P4HA3: variants seen among roughly 807,000 people sequenced by gnomAD.
P4HA3 encodes the protein prolyl 4-hydroxylase subunit alpha-3.
In P4HA3, 60 loss-of-function variants were observed where a neutral mutation model predicts 66.7. The observed-to-expected ratio is 0.90, with a 90% confidence interval of 0.73 to 1.12. P4HA3 has a LOEUF of 1.12. P4HA3 is among the 50% of genes most tolerant of loss of function. The pLI is 0.00. For missense variants in P4HA3, 683 were observed against 685.8 expected, an observed-to-expected ratio of 1.00 and a Z score of 0.05; for synonymous variants, 263 against 274.6, an observed-to-expected ratio of 0.96 and a Z score of 0.42.
At chr11:74,279,026 AAT>A (rs2134746245) in intron 8 of P4HA3, among the ~76,000 whole-genome samples, 1 of 152,336 alleles carries the variant, frequency 6.6e-6, no homozygotes, top group East Asian at 1.9e-4. Flanking sequence ...TCATGCTTTC[AAT>A]ATGAGTCAGG....
chr11:74,284,560 A>G (rs534772453), intron 7 of P4HA3, among the ~76,000 whole-genome samples: 1 of 152,288 alleles, frequency 6.6e-6, no homozygotes, highest in South Asian at 2.1e-4. Flanking sequence ...ATTTAATTAT[A>G]ATCATAATTA....
downstream of P4HA3, among the ~76,000 whole-genome samples, chr11:74,262,670 G>A (rs1044147464): frequency 1.3e-5 from 2 of 152,164 alleles, no homozygotes; most frequent in African/African-American, 4.8e-5. Flanking sequence ...AGGCACATAT[G>A]TTTGTTTCCT....
Position 74,288,557 on chromosome 11 carries a change from G to A in P4HA3, c.769+522C>T, listed in dbSNP as rs369506351. Among the ~76,000 whole-genome samples the A allele has an allele frequency of 1.1e-4, 17 of 152,266 alleles. No homozygotes were observed. In the East Asian group the frequency reaches 2.7e-3, roughly 24 times the overall value. On this transcript the variant is annotated intron_variant, in intron 5 of 12. Transcript: ENST00000331597. Reference sequence around the variant, plus strand: ...GAAGGGACAGGTTGATATCTTCTCAGCATTTTCCAACTAACTTAAAAATTT... The same window carrying A: ...GAAGGGACAGGTTGATATCTTCTCAACATTTTCCAACTAACTTAAAAATTT...
chr11:74,263,481 T>C (rs920077980), downstream of P4HA3, among the ~76,000 whole-genome samples: 1 of 151,940 alleles, frequency 6.6e-6, no homozygotes, highest in Non-Finnish European at 1.5e-5. Context: ...CAACAGAGGG[T>C]TAGTTAAGGT....
In P4HA3 at chr11:74,266,991, C is replaced by A; in HGVS notation, c.*257G>T. On this transcript the variant is annotated 3_prime_UTR_variant, in exon 13 of 13. Transcript: ENST00000331597. ...GAGAGTATCTGAACTCCAGAAACTT[C>A]CCTCTCAGGCCTCCACTCCCCCCTC... is the stretch of plus-strand genomic sequence containing the variant. 1 of 1,474,506 alleles carries A rather than the reference C, an allele frequency of 6.8e-7. No homozygotes were observed. The highest frequency in any genetic ancestry group is 2.2e-5 in the Admixed American group (1 of 46,082). The allele number at this position is 1,474,506 out of a possible 1,614,324, so 91.3% of individuals were successfully genotyped here.
rs1859756237 is a variant in P4HA3, at chr11:74,253,462, G to A, written c.*1319-5461C>T. Reference sequence around the variant, plus strand: ...GGGAAAGCTATTGATAGTTACATTTGTTTTTCCTTCTCTTTCTGTTCTTCC... The same window carrying A: ...GGGAAAGCTATTGATAGTTACATTTATTTTTCCTTCTCTTTCTGTTCTTCC... On this transcript the variant is annotated intron_variant and NMD_transcript_variant, in intron 15 of 15. Transcript: ENST00000524388. 1.9e-6 allele frequency: 3 copies of A among 1,596,556 alleles called. No homozygotes were observed. In the African/African-American group the frequency reaches 4.0e-5, roughly 21 times the overall value.
At chr11:74,251,035 G>T (rs376250134) in intron 15 of P4HA3, 17 of 1,581,712 alleles carry the variant, frequency 1.1e-5, no homozygotes, top group Non-Finnish European at 1.2e-5. Context: ...CTGGTGCTCA[G>T]TGACTGTAAA....
At position 74,277,067 on chromosome 11, in the gene P4HA3, A is replaced by G. The variant is rs200145210; in HGVS notation, c.1253T>C (p.Val418Ala). 1.2e-4 allele frequency: 193 copies of G among 1,614,020 alleles called. 2 individuals carry two copies. Among genetic ancestry groups the G allele is most frequent in the Non-Finnish European group, 5.9e-6 (7 of 1,180,012 alleles). Residue 418 changes from valine (V) to alanine (A), a missense_variant, in exon 9 of 13, where the codon GTC (valine) becomes GCC (alanine). Coordinates refer to ENST00000331597, the MANE Select transcript of P4HA3 (RefSeq NM_182904.5). ...CAGATACTCTGCATAGGGAGGCCGG[A>G]CATCAAGGCCTGTGAGGGCAGCAAT... ...HRIAALTGLDVRPPYAEYLQV... is the reference protein window; with the variant it reads ...HRIAALTGLDARPPYAEYLQV...
At chr11:74,294,323 T>C (rs1591124770) in intron 4 of P4HA3, among the ~76,000 whole-genome samples, 4 of 152,192 alleles carry the variant, frequency 2.6e-5, no homozygotes, top group Non-Finnish European at 5.9e-5. Flanking sequence ...CTTCTCTGCA[T>C]TGGTTATTCT....
Position 74,268,216 on chromosome 11 carries a change from A to C in P4HA3, c.1493T>G (p.Leu498Arg). ...ACTGTCCCCTTCACCACTCCTGTGC[A>C]GGTTCCACCAAAACAGTGCTGCATT... is the stretch of plus-strand genomic sequence containing the variant. ...VRNAALFWWN[L>R]HRSGEGDSDT... Residue 498 changes from leucine to arginine, a missense_variant, in exon 12 of 13, where the codon CTG becomes CGG. Leu to Arg is a moderately radical substitution (Grantham distance 102). Transcript: ENST00000331597. 6.2e-7 allele frequency: 1 copy of C among 1,614,014 alleles called. No individual in the cohort carries two copies. The highest frequency in any genetic ancestry group is 8.5e-7 in the Non-Finnish European group (1 of 1,179,956).
At chr11:74,273,435 T>C (rs1209455267) in intron 10 of P4HA3, 110 bp downstream of exon 10, 8 of 997,490 alleles carry the variant, frequency 8.0e-6, no homozygotes, top group Middle Eastern at 2.3e-4. Context: ...TTCCTGGAGA[T>C]TTTTGCGCTG....
At chr11:74,265,854 A>G (rs559602530), downstream of P4HA3, among the ~76,000 whole-genome samples, 1 of 152,332 alleles carries the variant, frequency 6.6e-6, no homozygotes, top group Admixed American at 6.5e-5. Flanking sequence ...GGCATTTACA[A>G]AGTACAGCAC....
chr11:74,284,748 T>C (rs186264029), intron 7 of P4HA3, among the ~76,000 whole-genome samples: 2 of 152,184 alleles, frequency 1.3e-5, no homozygotes, highest in South Asian at 2.1e-4. Flanking sequence ...CCTGTCTGGT[T>C]TGTGGCTCTC....
rs17244775 is a variant in P4HA3, at chr11:74,270,401, A to T, written c.1399-681T>A. On this transcript the variant is annotated intron_variant, in intron 10 of 12. Transcript: ENST00000331597. ...TCACTGGTCTGTTCTAGGACTATGG[A>T]TATGTTTTCTTAATGTGAAGCTTTT... Among the ~76,000 whole-genome samples the T allele has an allele frequency of 4.2e-3, 637 of 152,266 alleles. 3 individuals carry two copies. Among genetic ancestry groups the T allele is most frequent in the Admixed American group, 9.7e-3 (148 of 15,288 alleles).
chr11:74,296,137 G>A (rs963198822), intron 4 of P4HA3, among the ~76,000 whole-genome samples: 4 of 152,168 alleles, frequency 2.6e-5, no homozygotes, highest in South Asian at 2.1e-4. Flanking sequence ...TGCCACGCAC[G>A]CATTCTGTTA....
intron 4 of P4HA3, among the ~76,000 whole-genome samples, chr11:74,291,969 T>TAGGG (rs1861044906): frequency 6.6e-6 from 1 of 152,220 alleles, no homozygotes; most frequent in African/African-American, 2.4e-5. Flanking sequence ...TAAAATGAGT[T>TAGGG]AGGGAGGATT....
chr11:74,272,060 A>G (rs1339931246), intron 10 of P4HA3, among the ~76,000 whole-genome samples: 2 of 152,146 alleles, frequency 1.3e-5, no homozygotes, highest in Admixed American at 6.5e-5. Flanking sequence ...AATAGATGTA[A>G]TCTGTGCTGA....
Position 74,304,365 on chromosome 11 carries a change from A to G in P4HA3, c.248T>C (p.Val83Ala). 2 of 1,614,148 alleles carry G rather than the reference A, an allele frequency of 1.2e-6. No homozygotes were observed. Among genetic ancestry groups the G allele is most frequent in the Non-Finnish European group, 1.7e-6 (2 of 1,179,990 alleles). The change falls in exon 2 of 13, where the codon GTG becomes GCG. Residue 83 changes from valine to alanine, a missense_variant. Transcript: ENST00000331597. Reference protein sequence around the residue: ...LSLHEDSTTPVANPLLAFTLI... With the variant: ...LSLHEDSTTPAANPLLAFTLI... ...AGTAAATGCAAGCAGAGGGTTAGCC[A>G]CAGGGGTTGTTGAATCCTCATGCAA...
chr11:74,289,833 C>T (rs1054473201), intron 4 of P4HA3, among the ~76,000 whole-genome samples: 7 of 152,028 alleles, frequency 4.6e-5, no homozygotes, highest in Non-Finnish European at 7.4e-5. Context: ...TTTATTAATC[C>T]AGTCTATCGT....
Sources: gnomAD v4.1 joint callset for allele counts (sites outside exome capture counted in the v4.1 genomes callset) on GRCh38, gnomAD v4.1.1 for gene constraint, MANE v1.5 for transcripts, NCBI Gene and HGNC (gene_info 2026-07-23, HGNC 2026-07-21) for gene names.